The following TMEM51 variants were observed in gnomAD, a reference collection of about 807,000 sequenced individuals.
The protein encoded by TMEM51 is chromosome 1 open reading frame 72.
In TMEM51, 8 loss-of-function variants were observed where a neutral mutation model predicts 13.6. That is an observed-to-expected ratio of 0.59 (90% confidence interval 0.35 to 1.07). The LOEUF is 1.07. Ranked by LOEUF, TMEM51 falls within the 50% of genes least tolerant of loss-of-function variation. TMEM51 has a pLI of 0.02. For synonymous variants in TMEM51, 147 were observed against 144.4 expected (o/e 1.02, Z -0.13); for missense variants, 279 against 330.7 (o/e 0.84, Z 1.21).
chr1:15,188,462 A>T (rs1394228067), intron 1 of TMEM51, among the ~76,000 whole-genome samples: 1 of 152,154 alleles, frequency 6.6e-6, no homozygotes, highest in Non-Finnish European at 1.5e-5. Flanking sequence ...CCACCACATC[A>T]CCTGAGTGCT....
chr1:15,178,377 ATGAGGACTC>A (rs1643513836), intron 1 of TMEM51, among the ~76,000 whole-genome samples: 1 of 152,114 alleles, frequency 6.6e-6, no homozygotes, highest in Non-Finnish European at 1.5e-5. Context: ...ACACCCCAGG[ATGAGGACTC>A]TGAGGCTTTA....
intron 1 of TMEM51, among the ~76,000 whole-genome samples, chr1:15,190,646 CG>C (rs1557845819): frequency 6.6e-6 from 1 of 152,132 alleles, no homozygotes; most frequent in African/African-American, 2.4e-5. Context: ...TGACTATTTA[CG>C]TTACATGGTA....
At chr1:15,209,059 G>A (rs1386381367) in intron 1 of TMEM51, among the ~76,000 whole-genome samples, 3 of 151,968 alleles carry the variant, frequency 2.0e-5, no homozygotes, top group African/African-American at 4.8e-5. Context: ...GGTAGTGTGT[G>A]TGTGTGTTTG....
At chr1:15,211,021 C>T (rs1007845110) in intron 2 of TMEM51, among the ~76,000 whole-genome samples, 1 of 152,130 alleles carries the variant, frequency 6.6e-6, no homozygotes. Context: ...ACCCAAAAAA[C>T]CAAAACTATT....
intron 1 of TMEM51, among the ~76,000 whole-genome samples, chr1:15,208,752 C>T (rs1438616265): frequency 6.6e-6 from 1 of 151,972 alleles, no homozygotes; most frequent in Non-Finnish European, 1.5e-5. Context: ...CAATGAGGAG[C>T]AGAAAGGAAA....
chr1:15,199,497 TG>T (rs1016625839), intron 1 of TMEM51, among the ~76,000 whole-genome samples: 14 of 152,112 alleles, frequency 9.2e-5, no homozygotes, highest in African/African-American at 3.4e-4. Context: ...AGCCACGGGT[TG>T]GGGGAATCAT....
chr1:15,190,613 C>T (rs1475422335), intron 1 of TMEM51, among the ~76,000 whole-genome samples: 1 of 152,070 alleles, frequency 6.6e-6, no homozygotes, highest in African/African-American at 2.4e-5. Context: ...CCCAAAAGAT[C>T]TACATCCTAA....
intron 1 of TMEM51, among the ~76,000 whole-genome samples, chr1:15,180,627 C>T (rs1643586692): frequency 6.6e-6 from 1 of 152,216 alleles, no homozygotes; most frequent in African/African-American, 2.4e-5. Flanking sequence ...AGAGCCCCCA[C>T]TTCTCCATGA....
intron 1 of TMEM51, among the ~76,000 whole-genome samples, chr1:15,190,169 G>T (rs1643896911): frequency 6.6e-6 from 1 of 152,172 alleles, no homozygotes; most frequent in Non-Finnish European, 1.5e-5. Flanking sequence ...ATGGACTCTG[G>T]ACTCACTATC....
At chr1:15,157,778 G>C (rs1161303210) in intron 1 of TMEM51, among the ~76,000 whole-genome samples, 2 of 152,204 alleles carry the variant, frequency 1.3e-5, no homozygotes, top group Non-Finnish European at 1.5e-5. Context: ...AGCCAGACTT[G>C]ATAATGTGTC....
chr1:15,203,340 C>T (rs553222977), intron 1 of TMEM51, among the ~76,000 whole-genome samples: 2 of 152,162 alleles, frequency 1.3e-5, no homozygotes, highest in South Asian at 2.1e-4. Context: ...TTGCAACCTC[C>T]GCCTCCCTGG....
At chr1:15,182,064 G>A (rs1176119973) in intron 1 of TMEM51, among the ~76,000 whole-genome samples, 3 of 152,020 alleles carry the variant, frequency 2.0e-5, no homozygotes, top group Admixed American at 6.6e-5. Flanking sequence ...GGGAGGCTGA[G>A]GCAGGAGAAT....
intron 1 of TMEM51, among the ~76,000 whole-genome samples, chr1:15,198,150 A>G (rs1644087928): frequency 6.6e-6 from 1 of 151,980 alleles, no homozygotes; most frequent in Admixed American, 6.6e-5. Context: ...CAACCATCAC[A>G]TCTGCACTAG....
chr1:15,203,508 G>T (rs12098146), intron 1 of TMEM51, among the ~76,000 whole-genome samples: 1 of 151,304 alleles, frequency 6.6e-6, no homozygotes, highest in South Asian at 2.1e-4. Flanking sequence ...TGATCCACCC[G>T]CATCGGCTTC....
At chr1:15,156,556 T>C (rs1015268128) in intron 1 of TMEM51, among the ~76,000 whole-genome samples, 21 of 152,328 alleles carry the variant, frequency 1.4e-4, no homozygotes, top group Non-Finnish European at 2.6e-4. Context: ...GCTGCTGACT[T>C]TTGCTTTCAC....
In TMEM51 at chr1:15,159,657, A is replaced by G. The variant is rs564430277; in HGVS notation, c.-267+5703A>G. ...CAGCAACCTCCACCTCCCAGGTTCA[A>G]GCGATTCTCCTACCTCAGCCTCCCT... On this transcript the variant is annotated intron_variant, in intron 1 of 3. Transcript: ENST00000376008. Among the ~76,000 whole-genome samples, 4 of 152,262 alleles carry G rather than the reference A, an allele frequency of 2.6e-5. No homozygotes were observed. The South Asian group carries it at 8.3e-4, about 32-fold the overall frequency.
At chr1:15,212,078 T>G (rs1261594202) in intron 2 of TMEM51, among the ~76,000 whole-genome samples, 1 of 152,232 alleles carries the variant, frequency 6.6e-6, no homozygotes. Flanking sequence ...TGATCTGGAT[T>G]ATTGGCTATT....
In TMEM51 at chr1:15,181,444, ATC is replaced by A. The variant is rs746400083; in HGVS notation, c.-267+27491_-267+27492del. On this transcript the variant is annotated intron_variant, in intron 1 of 3. Coordinates refer to ENST00000376008, the MANE Select transcript of TMEM51 (RefSeq NM_001136218.2). ...GTAGCAAAAAGCCTTTTTGAACTAC[ATC>A]CAGGGACTCTTAAGCGCTCAAATTA... Among the ~76,000 whole-genome samples, 315 of 152,320 alleles carry A rather than the reference ATC, an allele frequency of 2.1e-3. 2 individuals are homozygous for A. The highest frequency in any genetic ancestry group is 3.4e-3 in the Non-Finnish European group (230 of 68,030).
At chr1:15,211,203 A>T (rs542868288) in intron 2 of TMEM51, among the ~76,000 whole-genome samples, 1 of 152,198 alleles carries the variant, frequency 6.6e-6, no homozygotes, top group East Asian at 1.9e-4. Flanking sequence ...AGTGTTTCTC[A>T]ACCTTTTCCG....
Sources: gnomAD v4.1 joint callset for allele counts (sites outside exome capture counted in the v4.1 genomes callset) on GRCh38, gnomAD v4.1.1 for gene constraint, MANE v1.5 for transcripts, NCBI Gene and HGNC (gene_info 2026-07-23, HGNC 2026-07-21) for gene names.